Variants in CD80 observed in about 807,000 individuals in gnomAD.
CD80 encodes the protein CD80 molecule.
A neutral mutation model predicts 27.1 loss-of-function variants in CD80; 13 were observed. The observed-to-expected ratio is 0.48, with a 90% CI of 0.31 to 0.76. The LOEUF is 0.76. Among genes scored for constraint, CD80 ranks in the 30% least tolerant of loss-of-function variants. The probability of loss-of-function intolerance (pLI) is 0.04; values close to 1 mark genes in which losing one functional copy is unlikely to be tolerated. For synonymous variants in CD80, 125 were observed against 125.5 expected (o/e 1.00, Z 0.03); for missense variants, 277 against 347.9 (o/e 0.80, Z 1.62).
intron 1 of CD80, 67 bp from the exon 2 acceptor site, chr3:119,557,995 C>G (rs984220899): frequency 3.6e-6 from 1 of 276,184 alleles, no homozygotes; most frequent in South Asian, 1.2e-4. Flanking sequence ...GCAAAACTCT[C>G]GAGTTGCCTG....
At chr3:119,541,989 C>T (rs561884802) in intron 3 of CD80, among the ~76,000 whole-genome samples, 1 of 151,954 alleles carries the variant, frequency 6.6e-6, no homozygotes, top group Non-Finnish European at 1.5e-5. Flanking sequence ...ACTTCTCTCT[C>T]GGTAGTCCAT....
At chr3:119,550,290 T>C (rs1329621624) in intron 2 of CD80, among the ~76,000 whole-genome samples, 1 of 148,176 alleles carries the variant, frequency 6.7e-6, no homozygotes, top group East Asian at 1.9e-4. Context: ...GAATCCAATA[T>C]TTCTCACTGA....
intron 4 of CD80, among the ~76,000 whole-genome samples, chr3:119,534,572 A>G (rs981760777): frequency 6.6e-6 from 1 of 152,182 alleles, no homozygotes; most frequent in African/African-American, 2.4e-5. Flanking sequence ...CCCCTGTCTT[A>G]GAATGTCACA....
Position 119,526,187 on chromosome 3 carries a change from A to G in CD80, c.*39-438T>C, listed in dbSNP as rs558305440. Among the ~76,000 whole-genome samples the G allele has an allele frequency of 2.0e-5, 3 of 152,228 alleles. No homozygotes were observed. In the South Asian group the frequency reaches 6.2e-4, roughly 32 times the overall value. Reference sequence around the variant, plus strand: ...TGGTTGCTTTTCTCAATAAACCTACATACAGTCCAGTAAAGGATAGAAGGA... The same window carrying G: ...TGGTTGCTTTTCTCAATAAACCTACGTACAGTCCAGTAAAGGATAGAAGGA... On this transcript the variant is annotated intron_variant, in intron 6 of 6. Transcript: ENST00000264246.
chr3:119,555,771 A>G (rs1560059637), intron 2 of CD80, among the ~76,000 whole-genome samples: 1 of 152,232 alleles, frequency 6.6e-6, no homozygotes, highest in Non-Finnish European at 1.5e-5. Context: ...CAAATGCAAG[A>G]GCCATGTCCC....
At chr3:119,545,860 C>T (rs111957298) in intron 2 of CD80, among the ~76,000 whole-genome samples, 16 of 152,202 alleles carry the variant, frequency 1.1e-4, no homozygotes, top group African/African-American at 3.9e-4. Context: ...ACCCTGCTTT[C>T]AATTCTTATG....
At chr3:119,548,759 G>A (rs750956766) in intron 2 of CD80, among the ~76,000 whole-genome samples, 4 of 151,848 alleles carry the variant, frequency 2.6e-5, no homozygotes, top group Non-Finnish European at 2.9e-5. Flanking sequence ...GTCCCAGGCC[G>A]GGCATCATGG....
intron 3 of CD80, among the ~76,000 whole-genome samples, chr3:119,540,460 G>A (rs1189171181): frequency 6.6e-6 from 1 of 150,898 alleles, no homozygotes; most frequent in Non-Finnish European, 1.5e-5. Context: ...TTTTTTGTTT[G>A]TTTCAATGAA....
intron 6 of CD80, 138 bp from the exon 7 acceptor site, chr3:119,525,887 A>G (rs974489803): frequency 1.6e-5 from 2 of 123,774 alleles, no homozygotes; most frequent in African/African-American, 7.1e-5. Context: ...ATTTAATTAT[A>G]TATGTATATA....
At chr3:119,531,957 C>T (rs917150637) in intron 4 of CD80, among the ~76,000 whole-genome samples, 1 of 152,144 alleles carries the variant, frequency 6.6e-6, no homozygotes, top group African/African-American at 2.4e-5. Flanking sequence ...AGCCACTGCG[C>T]CTGGCCTAGT....
intron 5 of CD80, among the ~76,000 whole-genome samples, chr3:119,529,104 C>T (rs1443473108): frequency 6.6e-6 from 1 of 151,860 alleles, no homozygotes; most frequent in Non-Finnish European, 1.5e-5. Context: ...TGCACGCCAC[C>T]ATGCCTGGCT....
intron 6 of CD80, among the ~76,000 whole-genome samples, chr3:119,527,028 G>A (rs74468571): frequency 0.022 from 3,278 of 152,228 alleles, 116 homozygotes; most frequent in South Asian, 0.071. Flanking sequence ...GGACATTCCA[G>A]ACCCCAGATA....
chr3:119,534,110 C>T (rs1190379318), intron 4 of CD80, among the ~76,000 whole-genome samples: 1 of 152,132 alleles, frequency 6.6e-6, no homozygotes, highest in Non-Finnish European at 1.5e-5. Context: ...TGGCTCACAC[C>T]TGTAATCACA....
At chr3:119,556,749 T>G (rs1189228144) in intron 2 of CD80, among the ~76,000 whole-genome samples, 1 of 152,214 alleles carries the variant, frequency 6.6e-6, no homozygotes, top group African/African-American at 2.4e-5. Context: ...GTCGGGTCTT[T>G]GCAGACTGGC....
At chr3:119,533,117 C>A (rs1475394919) in intron 4 of CD80, among the ~76,000 whole-genome samples, 1 of 152,214 alleles carries the variant, frequency 6.6e-6, no homozygotes, top group Non-Finnish European at 1.5e-5. Context: ...CACCCATCCA[C>A]AAGCCTCATT....
intron 2 of CD80, among the ~76,000 whole-genome samples, chr3:119,548,351 C>T (rs1012560754): frequency 1.3e-5 from 2 of 152,142 alleles, no homozygotes; most frequent in African/African-American, 4.8e-5. Flanking sequence ...AGCCAGATGC[C>T]TATGGGCCAG....
chr3:119,558,317 G>A (rs2082274965), intron 1 of CD80, among the ~76,000 whole-genome samples: 1 of 152,080 alleles, frequency 6.6e-6, no homozygotes, highest in Admixed American at 6.6e-5. Context: ...CTTCTTTCTT[G>A]ACATATTAAC....
chr3:119,529,821 T>TG, intron 5 of CD80, 21 bp downstream of exon 5: 1 of 1,459,316 alleles, frequency 6.9e-7, no homozygotes, highest in African/African-American at 1.4e-5. Flanking sequence ...GAGATCAGGA[T>TG]GATGGTATGA....
chr3:119,559,078 AC>A (rs2082279216), intron 1 of CD80, among the ~76,000 whole-genome samples: 1 of 152,198 alleles, frequency 6.6e-6, no homozygotes, highest in Admixed American at 6.5e-5. Flanking sequence ...GCTCTGTCAC[AC>A]AGGCTAGAGT....
Sources: allele counts gnomAD v4.1 joint callset (sites outside exome capture counted in the v4.1 genomes callset), GRCh38; gene constraint gnomAD v4.1.1; transcripts MANE v1.5; gene names NCBI Gene and HGNC (gene_info 2026-07-23, HGNC 2026-07-21).